The following ST6GALNAC3 variants were observed in gnomAD, a reference collection of about 807,000 sequenced individuals.
ST6GALNAC3 encodes the protein ST6 N-acetylgalactosaminide alpha-2,6-sialyltransferase 3, also known as alpha-N-acetylgalactosaminide alpha-2,6-sialyltransferase 3.
In ST6GALNAC3, 25 loss-of-function variants were observed where a neutral mutation model predicts 32.7. That is an observed-to-expected ratio of 0.76 (90% CI 0.56 to 1.07). The LOEUF is 1.07. Ranked by LOEUF, ST6GALNAC3 falls within the 50% of genes least tolerant of loss-of-function variation. The pLI is 0.00. For synonymous variants in ST6GALNAC3, 129 were observed against 133.1 expected (o/e 0.97, Z 0.21); for missense variants, 355 against 382.4 (o/e 0.93, Z 0.60).
rs536962318 is a variant in ST6GALNAC3, at chr1:76,265,487, A to G, written c.19-48318A>G. Among the ~76,000 whole-genome samples the G allele has an allele frequency of 1.1e-4, 16 of 152,176 alleles. No homozygotes were observed. In the East Asian group the frequency reaches 2.3e-3, roughly 22 times the overall value. ...TCCCCTCCATGTCTTTCTCTCCCCA[A>G]TTCTCTCAATTTGATAGGCTGTAAG... On this transcript the variant is annotated intron_variant, in intron 1 of 4. Transcript: ENST00000328299.
At chr1:76,587,518 G>A (rs1038962239) in intron 3 of ST6GALNAC3, among the ~76,000 whole-genome samples, 1 of 152,224 alleles carries the variant, frequency 6.6e-6, no homozygotes, top group South Asian at 2.1e-4. Flanking sequence ...CCTGGGCAGT[G>A]TGATGCAGCA....
At chr1:76,193,593 G>T (rs1044512494) in intron 1 of ST6GALNAC3, among the ~76,000 whole-genome samples, 7 of 152,106 alleles carry the variant, frequency 4.6e-5, no homozygotes, top group African/African-American at 1.7e-4. Flanking sequence ...TATCTTTGTG[G>T]AATGAATAAT....
intron 3 of ST6GALNAC3, among the ~76,000 whole-genome samples, chr1:76,582,171 G>T (rs1244604880): frequency 3.3e-5 from 5 of 152,180 alleles, no homozygotes; most frequent in Non-Finnish European, 7.4e-5. Flanking sequence ...CTGACGTGCA[G>T]ATGAATGATG....
chr1:76,528,421 C>G (rs1451557870), intron 3 of ST6GALNAC3, among the ~76,000 whole-genome samples: 1 of 152,068 alleles, frequency 6.6e-6, no homozygotes, highest in Non-Finnish European at 1.5e-5. Context: ...AATTGGAGCT[C>G]ATTCATAACT....
chr1:76,550,361 T>A (rs1225031416), intron 3 of ST6GALNAC3, among the ~76,000 whole-genome samples: 1 of 152,150 alleles, frequency 6.6e-6, no homozygotes, highest in Admixed American at 6.5e-5. Flanking sequence ...CTAATTTTAT[T>A]TTATTTTTTG....
chr1:76,262,285 T>C (rs892417580), intron 1 of ST6GALNAC3, among the ~76,000 whole-genome samples: 10 of 152,218 alleles, frequency 6.6e-5, no homozygotes, highest in African/African-American at 2.4e-4. Context: ...CCCAGGTTAG[T>C]GGAACCAGTA....
intron 4 of ST6GALNAC3, among the ~76,000 whole-genome samples, chr1:76,628,114 C>A (rs1322348993): frequency 6.6e-6 from 1 of 151,862 alleles, no homozygotes; most frequent in Non-Finnish European, 1.5e-5. Flanking sequence ...TGAAACAAAC[C>A]CTCCATGCTT....
rs114260369 is a variant in ST6GALNAC3 at position 76,329,609 on chromosome 1, G to C, written c.213+15610G>C. Among the ~76,000 whole-genome samples the C allele has an allele frequency of 9.3e-3, 1,415 of 152,148 alleles. 9 individuals are homozygous for C. The highest frequency in any genetic ancestry group is 0.014 in the Non-Finnish European group (978 of 67,996). ...AAGGCCATTTCCTCTGTGGTGGTTTGCCTGTCTCACCTCCTTAGCAGTCAC... is the reference window on the plus strand; with the variant it reads ...AAGGCCATTTCCTCTGTGGTGGTTTCCCTGTCTCACCTCCTTAGCAGTCAC... On this transcript the variant is annotated intron_variant, in intron 2 of 4. Transcript: ENST00000328299.
At position 76,631,351 on chromosome 1, in the gene ST6GALNAC3, A is replaced by G. The variant is rs1246441872; in HGVS notation, c.*2545A>G. 5 of 149,950 alleles carry G rather than the reference A, an allele frequency of 3.3e-5. No individual in the cohort carries two copies. The highest frequency in any genetic ancestry group is 1.3e-4 in the Admixed American group (2 of 15,034). The allele number at this position is 149,950 out of a possible 1,614,324, so 9.3% of individuals were successfully genotyped here. On this transcript the variant is annotated 3_prime_UTR_variant, in exon 5 of 5. Coordinates refer to ENST00000328299, the MANE Select transcript of ST6GALNAC3 (RefSeq NM_152996.4). ...TCTCAATTTGGAGACTCAATTGAAT[A>G]ATTTCCAGTATAATCAGCATTTTGA...
chr1:76,088,969 G>A (rs1647002038), intron 1 of ST6GALNAC3, among the ~76,000 whole-genome samples: 1 of 152,152 alleles, frequency 6.6e-6, no homozygotes, highest in Non-Finnish European at 1.5e-5. Context: ...CAGATCATAA[G>A]GATCATGTAG....
At chr1:76,287,437 T>G (rs1659848804) in intron 1 of ST6GALNAC3, among the ~76,000 whole-genome samples, 2 of 147,776 alleles carry the variant, frequency 1.4e-5, no homozygotes, top group South Asian at 4.3e-4. Flanking sequence ...TGTGGGATGG[T>G]GCACAAATCC....
At chr1:76,370,040 T>G (rs1391640847) in intron 2 of ST6GALNAC3, among the ~76,000 whole-genome samples, 3 of 152,182 alleles carry the variant, frequency 2.0e-5, no homozygotes, top group Admixed American at 2.0e-4. Context: ...GAAATCAATT[T>G]GTAAAATAAT....
chr1:76,180,601 GCAGATGAGGAGACGAA>G (rs1450675473), intron 1 of ST6GALNAC3, among the ~76,000 whole-genome samples: 1 of 152,116 alleles, frequency 6.6e-6, no homozygotes, highest in African/African-American at 2.4e-5. Flanking sequence ...GACTCCAGAA[GCAGATGAGGAGACGAA>G]CAGATGAGAA....
At chr1:76,105,018 A>G (rs2100785649) in intron 1 of ST6GALNAC3, among the ~76,000 whole-genome samples, 1 of 152,332 alleles carries the variant, frequency 6.6e-6, no homozygotes, top group Admixed American at 6.5e-5. Flanking sequence ...TTTGGTGGGG[A>G]AACAGCCAAA....
chr1:76,130,190 C>G (rs562590017), intron 1 of ST6GALNAC3, among the ~76,000 whole-genome samples: 23 of 152,340 alleles, frequency 1.5e-4, no homozygotes, highest in Non-Finnish European at 2.9e-4. Context: ...TTGCCATAGT[C>G]CCTGTTCCCA....
intron 2 of ST6GALNAC3, among the ~76,000 whole-genome samples, chr1:76,401,497 TGTGA>T (rs1428701123): frequency 1.2e-4 from 18 of 152,216 alleles, no homozygotes; most frequent in African/African-American, 4.3e-4. Flanking sequence ...GGAGATTTTA[TGTGA>T]GTATTTTTGT....
chr1:76,203,330 T>C (rs1207090872), intron 1 of ST6GALNAC3, among the ~76,000 whole-genome samples: 1 of 152,224 alleles, frequency 6.6e-6, no homozygotes, highest in Non-Finnish European at 1.5e-5. Flanking sequence ...GTGTGAGAAC[T>C]AGATCAACAG....
intron 1 of ST6GALNAC3, among the ~76,000 whole-genome samples, chr1:76,257,899 G>T (rs1345510111): frequency 6.6e-6 from 1 of 152,028 alleles, no homozygotes; most frequent in African/African-American, 2.4e-5. Flanking sequence ...ATCTCATGTG[G>T]AATCTCGCTC....
rs541393793 is a variant in ST6GALNAC3 at position 76,290,041 on chromosome 1, C to T, written c.19-23764C>T. ...GAGTAGTTTCACACTCATTATCTCA[C>T]AAGCACTCTTTCTCTTTTGAAATAG... On this transcript the variant is annotated intron_variant, in intron 1 of 4. Coordinates refer to ENST00000328299, the MANE Select transcript of ST6GALNAC3 (RefSeq NM_152996.4). Among the ~76,000 whole-genome samples the T allele has an allele frequency of 9.8e-5, 15 of 152,318 alleles. 1 individual carries two copies. The South Asian group carries it at 2.9e-3, about 29-fold the overall frequency.
Sources: gnomAD v4.1 joint callset for allele counts (sites outside exome capture counted in the v4.1 genomes callset) on GRCh38, gnomAD v4.1.1 for gene constraint, MANE v1.5 for transcripts, NCBI Gene and HGNC (gene_info 2026-07-23, HGNC 2026-07-21) for gene names.